Variants in C7orf33 observed in about 807,000 individuals in gnomAD.
The protein encoded by C7orf33 is chromosome 7 open reading frame 33, also known as uncharacterized protein C7orf33.
Under a neutral mutation model 13.4 loss-of-function variants are expected in C7orf33, and 15 were observed. That is an observed-to-expected ratio of 1.12 (90% CI 0.75 to 1.72). The LOEUF (loss-of-function observed/expected upper bound fraction) is 1.72. Among genes scored for constraint, C7orf33 ranks in the 40% most tolerant of loss-of-function variants. C7orf33 has a pLI of 0.00. For synonymous variants in C7orf33, 73 were observed against 83.2 expected (o/e 0.88, Z 0.67); for missense variants, 187 against 220.3 (o/e 0.85, Z 0.96).
At chr7:148,613,112 C>T (rs923296659) in intron 1 of C7orf33, among the ~76,000 whole-genome samples, 4 of 152,258 alleles carry the variant, frequency 2.6e-5, no homozygotes, top group Admixed American at 6.5e-5. Context: ...GCTGTCATTT[C>T]GTATCCATTA....
intron 1 of C7orf33, among the ~76,000 whole-genome samples, chr7:148,601,039 T>C (rs1293231687): frequency 1.3e-5 from 2 of 152,060 alleles, no homozygotes; most frequent in Non-Finnish European, 1.5e-5. Context: ...CCTGACCTCA[T>C]GATCTGCCCA....
intron 1 of C7orf33, among the ~76,000 whole-genome samples, chr7:148,598,035 G>T (rs558404738): frequency 8.5e-5 from 13 of 152,170 alleles, no homozygotes; most frequent in African/African-American, 1.2e-4. Flanking sequence ...GATTACAGGA[G>T]TGAGCCACGG....
At chr7:148,600,447 G>A (rs1796398915) in intron 1 of C7orf33, among the ~76,000 whole-genome samples, 1 of 152,030 alleles carries the variant, frequency 6.6e-6, no homozygotes, top group Non-Finnish European at 1.5e-5. Context: ...CTGCAGCCTG[G>A]GTGACAGAGC....
chr7:148,612,939 A>G (rs1243285599), intron 1 of C7orf33, among the ~76,000 whole-genome samples: 1 of 152,126 alleles, frequency 6.6e-6, no homozygotes, highest in Non-Finnish European at 1.5e-5. Flanking sequence ...TAATGATCAA[A>G]TCAGGGTAAT....
intron 1 of C7orf33, among the ~76,000 whole-genome samples, chr7:148,591,664 T>G (rs931895519): frequency 1.3e-5 from 2 of 152,154 alleles, no homozygotes; most frequent in African/African-American, 4.8e-5. Context: ...CACTGCAGCA[T>G]CAACCTCCTG....
intron 1 of C7orf33, among the ~76,000 whole-genome samples, chr7:148,601,376 C>T (rs1257662147): frequency 1.3e-5 from 2 of 152,054 alleles, no homozygotes; most frequent in Non-Finnish European, 2.9e-5. Context: ...GACAGAGTCT[C>T]ACTCTGTTGC....
chr7:148,608,432 A>G (rs1796499405), intron 1 of C7orf33, among the ~76,000 whole-genome samples: 1 of 148,734 alleles, frequency 6.7e-6, no homozygotes, highest in Non-Finnish European at 1.5e-5. Context: ...TGCATCTCGA[A>G]ATAATAATAA....
chr7:148,608,407 G>T (rs191738873), intron 1 of C7orf33, among the ~76,000 whole-genome samples: 2 of 152,130 alleles, frequency 1.3e-5, no homozygotes, highest in African/African-American at 4.8e-5. Context: ...TCCAGCCTGG[G>T]CGACAGAGTG....
intron 1 of C7orf33, among the ~76,000 whole-genome samples, chr7:148,598,753 TATATATATATAGAGAG>T (rs1312215238): frequency 1.7e-3 from 106 of 62,440 alleles, no homozygotes; most frequent in Non-Finnish European, 1.9e-3. Context: ...TATATATATA[TATATATATATAGAGAG>T]AGAGAGAGAG....
chr7:148,612,365 T>TA (rs1796553783), intron 1 of C7orf33, among the ~76,000 whole-genome samples: 1 of 152,230 alleles, frequency 6.6e-6, no homozygotes, highest in East Asian at 1.9e-4. Context: ...TTCAAAATGT[T>TA]GGAACTATAC....
chr7:148,598,051 A>G lies in C7orf33; in HGVS notation c.204+6922A>G, dbSNP rs578199279. On this transcript the variant is annotated intron_variant, in intron 1 of 2. Coordinates refer to ENST00000307003, the MANE Select transcript of C7orf33 (RefSeq NM_145304.4). ...ATTACAGGAGTGAGCCACGGCGCCCAGCCTCCCTTGCGTTTCTTATACTCT... is the reference window on the plus strand; with the variant it reads ...ATTACAGGAGTGAGCCACGGCGCCCGGCCTCCCTTGCGTTTCTTATACTCT... Among the ~76,000 whole-genome samples, 33 of 152,276 alleles carry G rather than the reference A, an allele frequency of 2.2e-4. No homozygotes were observed. In the South Asian group the frequency reaches 3.1e-3, roughly 14 times the overall value.
chr7:148,598,296 T>G (rs1041403118), intron 1 of C7orf33, among the ~76,000 whole-genome samples: 1 of 152,166 alleles, frequency 6.6e-6, no homozygotes, highest in African/African-American at 2.4e-5. Context: ...AGTCTGGTTT[T>G]CTACTTCTTT....
At chr7:148,599,090 T>C (rs962832562) in intron 1 of C7orf33, among the ~76,000 whole-genome samples, 1 of 151,916 alleles carries the variant, frequency 6.6e-6, no homozygotes, top group African/African-American at 2.4e-5. Flanking sequence ...CTCAAACTCT[T>C]GACCTCAAGT....
chr7:148,591,988 G>A (rs1585451389), intron 1 of C7orf33, among the ~76,000 whole-genome samples: 1 of 152,244 alleles, frequency 6.6e-6, no homozygotes, highest in Non-Finnish European at 1.5e-5. Flanking sequence ...TTTATCTCCA[G>A]CTTTGGGTGT....
chr7:148,595,905 A>G (rs1796334041), intron 1 of C7orf33, among the ~76,000 whole-genome samples: 1 of 151,302 alleles, frequency 6.6e-6, no homozygotes, highest in African/African-American at 2.4e-5. Context: ...TAACCATTAA[A>G]TTTATCACAT....
chr7:148,615,321 A>G lies in C7orf33; in HGVS notation c.460-6A>G. The G allele has an allele frequency of 1.3e-6, 2 of 1,599,712 alleles. No homozygotes were observed. Among genetic ancestry groups the G allele is most frequent in the Non-Finnish European group, 1.7e-6 (2 of 1,167,014 alleles). On this transcript the variant is annotated splice_polypyrimidine_tract_variant and splice_region_variant and intron_variant, in intron 2 of 2. Coordinates refer to ENST00000307003, the MANE Select transcript of C7orf33 (RefSeq NM_145304.4). Reference sequence around the variant, plus strand: ...GATAACAGAAGTCTTCGTAATCCACATGTAGGTACGTGGGCATGAAGTAAG... The same window carrying G: ...GATAACAGAAGTCTTCGTAATCCACGTGTAGGTACGTGGGCATGAAGTAAG...
intron 1 of C7orf33, among the ~76,000 whole-genome samples, chr7:148,595,396 C>A (rs1796319585): frequency 8.0e-6 from 1 of 124,926 alleles, no homozygotes; most frequent in Non-Finnish European, 1.6e-5. Context: ...ATAGATATAT[C>A]ATAGATAATA....
chr7:148,608,749 G>A (rs1297100202), intron 1 of C7orf33, among the ~76,000 whole-genome samples: 1 of 152,098 alleles, frequency 6.6e-6, no homozygotes, highest in African/African-American at 2.4e-5. Flanking sequence ...CCTGGGAGGC[G>A]GAGGTTGCAG....
At chr7:148,604,281 C>T (rs1796449238) in intron 1 of C7orf33, among the ~76,000 whole-genome samples, 1 of 152,128 alleles carries the variant, frequency 6.6e-6, no homozygotes, top group African/African-American at 2.4e-5. Flanking sequence ...CACCTGCCAC[C>T]ACACCCAGCT....
Sources: allele counts gnomAD v4.1 joint callset (sites outside exome capture counted in the v4.1 genomes callset), GRCh38; gene constraint gnomAD v4.1.1; transcripts MANE v1.5; gene names NCBI Gene and HGNC (gene_info 2026-07-23, HGNC 2026-07-21).